The following MAP3K8 variants were observed in gnomAD, a reference collection of about 807,000 sequenced individuals.
MAP3K8 encodes the protein mitogen-activated protein kinase kinase kinase 8.
MAP3K8 carries 22 observed loss-of-function variants against 45.8 expected under a neutral mutation model. That is an observed-to-expected ratio of 0.48 (90% CI 0.34 to 0.69). MAP3K8 has a LOEUF of 0.69. Among genes scored for constraint, MAP3K8 ranks in the 30% least tolerant of loss-of-function variants. The pLI, the probability that MAP3K8 is intolerant of heterozygous loss-of-function variation, is 0.01. For synonymous variants in MAP3K8, 223 were observed against 214.3 expected, an observed-to-expected ratio of 1.04 and a Z score of -0.36; for missense variants, 419 against 585.0, an observed-to-expected ratio of 0.72 and a Z score of 2.93.
intron 3 of MAP3K8, among the ~76,000 whole-genome samples, chr10:30,441,706 G>A (rs1836117040): frequency 6.6e-6 from 1 of 152,130 alleles, no homozygotes; most frequent in Non-Finnish European, 1.5e-5. Flanking sequence ...ATTAAAGATG[G>A]ACTACATTGC....
intron 8 of MAP3K8, 81 bp from the exon 9 acceptor site, chr10:30,460,624 AT>A (rs1249450900): frequency 2.6e-5 from 31 of 1,198,206 alleles, no homozygotes; most frequent in Non-Finnish European, 3.6e-5. Flanking sequence ...GGCCCCAAAG[AT>A]TTATTTCACT....
Position 30,458,269 on chromosome 10 carries a change from G to GGC in MAP3K8, c.1026+34_1026+35insCG, listed in dbSNP as rs146674517. 8.4e-5 allele frequency: 100 copies of GGC among 1,189,376 alleles called. 2 individuals carry two copies. The East Asian group carries it at 9.5e-4, about 11-fold the overall frequency. The allele number at this position is 1,189,376 out of a possible 1,614,324, so 73.7% of individuals were successfully genotyped here. The stretch of plus-strand genomic sequence containing the variant: ...GGGTTCAACCAGGGCTGGGGGCGGC[G>GGC]GGGGGGGGCGTTGAGTTATGCATCC... On this transcript the variant is annotated intron_variant, in intron 7 of 8. Transcript: ENST00000263056.
intron 3 of MAP3K8, among the ~76,000 whole-genome samples, chr10:30,442,967 G>A (rs1352032553): frequency 6.6e-6 from 1 of 152,098 alleles, no homozygotes; most frequent in African/African-American, 2.4e-5. Flanking sequence ...AAAATCTCCT[G>A]TGACAAGGAG....
At chr10:30,449,174 T>G (rs984093578) in intron 4 of MAP3K8, among the ~76,000 whole-genome samples, 1 of 152,168 alleles carries the variant, frequency 6.6e-6, no homozygotes, top group Non-Finnish European at 1.5e-5. Context: ...TGGGTACCCT[T>G]GGAGAGTAGC....
chr10:30,459,354 C>T lies in MAP3K8; in HGVS notation c.1126C>T (p.Arg376Cys). ...TTCCCTGGAGAGAAACCCCAATCAC[C>T]GCCCAAGAGCCGCAGACCTACTAAA... ...EASLERNPNH[R>C]PRAADLLKHE... The change falls in exon 8 of 9, where the codon CGC (arginine) becomes TGC (cysteine). Residue 376 changes from arginine (R) to cysteine (C), a missense_variant. Coordinates refer to ENST00000263056, the MANE Select transcript of MAP3K8 (RefSeq NM_005204.4). The T allele has an allele frequency of 1.2e-6, 2 of 1,614,144 alleles. No homozygotes were observed. Among genetic ancestry groups the T allele is most frequent in the Non-Finnish European group, 1.7e-6 (2 of 1,180,032 alleles).
intron 1 of MAP3K8, among the ~76,000 whole-genome samples, chr10:30,435,671 G>C (rs901654364): frequency 6.6e-6 from 1 of 152,142 alleles, no homozygotes; most frequent in African/African-American, 2.4e-5. Context: ...TCTTGCCTCA[G>C]CCTCCCGAGT....
At position 30,438,985 on chromosome 10, in the gene MAP3K8, TATTA is replaced by T. The variant is rs781423722; in HGVS notation, c.53_56del (p.Ile18AsnfsTer3). On this transcript the variant is annotated frameshift_variant, in exon 3 of 9. Transcript: ENST00000263056. LOFTEE classifies it high-confidence loss of function. ...AGTGACAATAAAGAAGAGATTGATT[TATTA>T]ATTAAACATTTAAATGTGTCTGATG... 2 of 1,612,622 alleles carry T rather than the reference TATTA, an allele frequency of 1.2e-6. No homozygotes were observed. Among genetic ancestry groups the T allele is most frequent in the African/African-American group, 1.3e-5 (1 of 75,014 alleles).
intron 4 of MAP3K8, among the ~76,000 whole-genome samples, chr10:30,449,611 T>A (rs1836466910): frequency 6.6e-6 from 1 of 152,206 alleles, no homozygotes; most frequent in African/African-American, 2.4e-5. Context: ...TATTATGTCT[T>A]GGTTTCTCTT....
rs115947180 is a variant in MAP3K8 at position 30,442,829 on chromosome 10, G to A, written c.336+3555G>A. ...AGCTGAAGATGTTCCTTAGGGCTTA[G>A]TCATGGAGTCATGGCTTCTCAGAGT... is the stretch of plus-strand genomic sequence containing the variant. On this transcript the variant is annotated intron_variant, in intron 3 of 8. Coordinates refer to ENST00000263056, the MANE Select transcript of MAP3K8 (RefSeq NM_005204.4). 1.9e-3 allele frequency among the ~76,000 whole-genome samples: 291 copies of A among 152,266 alleles called. 2 individuals are homozygous for A. The highest frequency in any genetic ancestry group is 6.8e-3 in the African/African-American group (283 of 41,552).
chr10:30,441,041 G>A (rs1392813638), intron 3 of MAP3K8, among the ~76,000 whole-genome samples: 1 of 152,116 alleles, frequency 6.6e-6, no homozygotes. Context: ...AAAGAAGAGA[G>A]ACTAAGACAT....
At chr10:30,445,580 G>T (rs1026646080) in intron 3 of MAP3K8, among the ~76,000 whole-genome samples, 1 of 152,154 alleles carries the variant, frequency 6.6e-6, no homozygotes, top group Admixed American at 6.5e-5. Context: ...AAGTGCTCTT[G>T]AGTGTTGTGA....
At chr10:30,436,441 ACTC>A (rs971789039) in intron 1 of MAP3K8, among the ~76,000 whole-genome samples, 3 of 151,126 alleles carry the variant, frequency 2.0e-5, no homozygotes, top group Non-Finnish European at 4.4e-5. Context: ...AGCGTCAGAC[ACTC>A]CTCCACCTCC....
chr10:30,436,739 A>C lies in MAP3K8; in HGVS notation c.-254-437A>C, dbSNP rs145718592. On this transcript the variant is annotated intron_variant, in intron 1 of 8. Transcript: ENST00000263056. ...CCTCTAAAATTTGTCTTCCCAGATC[A>C]GCAGAGTGAATTTGAACTGTGTGGA... Among the ~76,000 whole-genome samples the C allele has an allele frequency of 4.1e-3, 615 of 151,516 alleles. 8 individuals are homozygous for C. Among genetic ancestry groups the C allele is most frequent in the African/African-American group, 0.013 (546 of 41,340 alleles).
At chr10:30,450,820 G>A (rs1836511895) in intron 5 of MAP3K8, among the ~76,000 whole-genome samples, 1 of 148,898 alleles carries the variant, frequency 6.7e-6, no homozygotes, top group Non-Finnish European at 1.5e-5. Flanking sequence ...GGTGGCTCAC[G>A]CCTGTAATCT....
Position 30,461,095 on chromosome 10 carries a change from G to A in MAP3K8, c.*259G>A, listed in dbSNP as rs551106842. On this transcript the variant is annotated 3_prime_UTR_variant, in exon 9 of 9. Transcript: ENST00000263056. ...GAATTTGAGAGTTCACAGAAGGATC[G>A]TGTCTGCTGACTGTTTCATTCACTG... 1.1e-5 allele frequency: 4 copies of A among 378,636 alleles called. No individual in the cohort carries two copies. The highest frequency in any genetic ancestry group is 2.1e-5 in the African/African-American group (1 of 48,378). 23.5% of individuals were successfully genotyped at this position (378,636 alleles called of 1,614,324 possible).
intron 3 of MAP3K8, among the ~76,000 whole-genome samples, chr10:30,445,831 G>T (rs904921840): frequency 6.6e-6 from 1 of 152,206 alleles, no homozygotes; most frequent in African/African-American, 2.4e-5. Context: ...GTTAGTCTCT[G>T]CTTTATTCCC....
intron 6 of MAP3K8, among the ~76,000 whole-genome samples, chr10:30,456,639 G>A (rs1333703965): frequency 6.6e-6 from 1 of 152,196 alleles, no homozygotes; most frequent in East Asian, 1.9e-4. Flanking sequence ...CACCAGCCAT[G>A]AATACAAATC....
intron 3 of MAP3K8, among the ~76,000 whole-genome samples, chr10:30,446,656 AACACTCTGGACATGTTACAGGC>A (rs1329979936): frequency 3.9e-5 from 6 of 152,196 alleles, no homozygotes; most frequent in Non-Finnish European, 5.9e-5. Flanking sequence ...CCCTTGAAAG[AACACTCTGGACATGTTACAGGC>A]ACGCGTTCCA....
At chr10:30,459,930 CCT>C in intron 8 of MAP3K8, among the ~76,000 whole-genome samples, 1 of 151,900 alleles carries the variant, frequency 6.6e-6, no homozygotes, top group Non-Finnish European at 1.5e-5. Context: ...GCAACCTCTG[CCT>C]CCCGGTTTCA....
Sources: allele counts gnomAD v4.1 joint callset (sites outside exome capture counted in the v4.1 genomes callset), GRCh38; gene constraint gnomAD v4.1.1; transcripts MANE v1.5; gene names NCBI Gene and HGNC (gene_info 2026-07-23, HGNC 2026-07-21).